Variants in PTPRR observed in about 807,000 individuals in gnomAD.
The protein encoded by PTPRR is protein tyrosine phosphatase receptor type R, also known as receptor-type tyrosine-protein phosphatase R.
PTPRR carries 38 observed loss-of-function variants against 77.2 expected under a neutral mutation model. That is an observed-to-expected ratio of 0.49 (90% confidence interval 0.38 to 0.65). The LOEUF is 0.65. Among genes scored for constraint, PTPRR ranks in the 30% least tolerant of loss-of-function variants. PTPRR has a pLI of 0.00. For missense variants in PTPRR, 744 were observed against 799.2 expected, an observed-to-expected ratio of 0.93 and a Z score of 0.83; for synonymous variants, 299 against 283.1, an observed-to-expected ratio of 1.06 and a Z score of -0.57.
intron 2 of PTPRR, among the ~76,000 whole-genome samples, chr12:70,809,726 C>T (rs1891775630): frequency 6.6e-6 from 1 of 152,256 alleles, no homozygotes; most frequent in South Asian, 2.1e-4. Context: ...ACTTTGAATA[C>T]AGATCCTCAA....
At chr12:70,646,880 T>A (rs1018420038) in intron 13 of PTPRR, among the ~76,000 whole-genome samples, 1 of 151,970 alleles carries the variant, frequency 6.6e-6, no homozygotes, top group African/African-American at 2.4e-5. Context: ...ACAAAAAATA[T>A]GTTGGGGACA....
intron 10 of PTPRR, among the ~76,000 whole-genome samples, chr12:70,666,544 T>C (rs941725107): frequency 6.6e-6 from 1 of 152,134 alleles, no homozygotes; most frequent in Non-Finnish European, 1.5e-5. Flanking sequence ...CTTTATGAGA[T>C]AATTGAATAA....
chr12:70,887,986 A>G (rs962581250), intron 2 of PTPRR, among the ~76,000 whole-genome samples: 21 of 150,556 alleles, frequency 1.4e-4, no homozygotes, highest in African/African-American at 5.2e-4. Context: ...TTTTAGTTCA[A>G]TGGCAATAAG....
chr12:70,797,679 A>G (rs145644384), intron 2 of PTPRR, among the ~76,000 whole-genome samples: 53 of 152,236 alleles, frequency 3.5e-4, no homozygotes, highest in African/African-American at 1.2e-3. Flanking sequence ...GTCCTTATCT[A>G]GTTCTCAGGA....
intron 2 of PTPRR, among the ~76,000 whole-genome samples, chr12:70,846,494 GC>G (rs1565716871): frequency 1.3e-5 from 2 of 152,182 alleles, no homozygotes; most frequent in African/African-American, 4.8e-5. Flanking sequence ...TATAGGCATT[GC>G]TATTGTGTGA....
At chr12:70,901,497 A>G (rs1240882382) in intron 1 of PTPRR, among the ~76,000 whole-genome samples, 3 of 151,868 alleles carry the variant, frequency 2.0e-5, no homozygotes, top group African/African-American at 7.2e-5. Context: ...AAACAAAAAT[A>G]TAAAGTGGGG....
intron 10 of PTPRR, among the ~76,000 whole-genome samples, chr12:70,676,859 CTTTT>C (rs60254808): frequency 7.2e-6 from 1 of 139,776 alleles, no homozygotes; most frequent in Non-Finnish European, 1.6e-5. Context: ...ATGCCTCCAG[CTTTT>C]TTTTTTTTTT....
At chr12:70,858,377 T>G (rs1217079676) in intron 2 of PTPRR, among the ~76,000 whole-genome samples, 1 of 152,084 alleles carries the variant, frequency 6.6e-6, no homozygotes, top group Non-Finnish European at 1.5e-5. Flanking sequence ...GCAGAAGTTT[T>G]AAATTGTCAG....
In PTPRR at chr12:70,646,180, C is replaced by T. The variant is rs1886191700; in HGVS notation, c.1881-6903G>A. Among the ~76,000 whole-genome samples, 3 of 152,118 alleles carry T rather than the reference C, an allele frequency of 2.0e-5. No individual in the cohort carries two copies. In the South Asian group the frequency reaches 6.2e-4, roughly 32 times the overall value. ...TTAATGTGCCTCCTGGGTAAAGTTC[C>T]AAGAGCTTGGGCATGAGTCAAGTGA... On this transcript the variant is annotated intron_variant, in intron 13 of 13. Coordinates refer to ENST00000283228, the MANE Select transcript of PTPRR (RefSeq NM_002849.4).
Position 70,656,727 on chromosome 12 carries a change from A to G in PTPRR, c.1857T>C (p.Ile619=). The change falls in exon 13 of 14, where the codon ATT becomes ATC. Residue 619 remains isoleucine, a synonymous_variant. Transcript: ENST00000283228. ...KEEGVVDALS[I]VCQLRMDRGG... is the part of the protein sequence containing the mutation. Reference sequence around the variant, plus strand: ...ACCTATCCATACGAAGCTGGCAGACAATGCTTAGTGCATCCACAACTCCTT... The same window carrying G: ...ACCTATCCATACGAAGCTGGCAGACGATGCTTAGTGCATCCACAACTCCTT... 3 of 1,613,840 alleles carry G rather than the reference A, an allele frequency of 1.9e-6. No individual in the cohort carries two copies. Among genetic ancestry groups the G allele is most frequent in the Non-Finnish European group, 2.5e-6 (3 of 1,179,796 alleles).
At chr12:70,767,250 G>T (rs1890848871) in intron 2 of PTPRR, among the ~76,000 whole-genome samples, 1 of 152,000 alleles carries the variant, frequency 6.6e-6, no homozygotes, top group Non-Finnish European at 1.5e-5. Flanking sequence ...ACCCATCAGT[G>T]TGCTGTATTC....
chr12:70,817,220 TAA>T (rs1203364018), intron 2 of PTPRR, among the ~76,000 whole-genome samples: 1 of 152,178 alleles, frequency 6.6e-6, no homozygotes, highest in Non-Finnish European at 1.5e-5. Context: ...TAATGTGTTT[TAA>T]AAGTTTTAAA....
At chr12:70,672,092 G>A in intron 10 of PTPRR, 1 of 1,373,170 alleles carries the variant, frequency 7.3e-7, no homozygotes, top group Non-Finnish European at 1.0e-6. Context: ...CAATGCCTTT[G>A]ACTCTATGCT....
At position 70,745,921 on chromosome 12, in the gene PTPRR, C is replaced by G. The variant is rs746663370; in HGVS notation, c.904G>C (p.Val302Leu). The G allele has an allele frequency of 6.2e-7, 1 of 1,613,994 alleles. No homozygotes were observed. The change falls in exon 6 of 14, where the codon GTC (valine) becomes CTC (leucine). Residue 302 changes from valine to leucine, a missense_variant. Val to Leu is a conservative substitution (Grantham distance 32, BLOSUM62 1). Transcript: ENST00000283228. Reference sequence around the variant, plus strand: ...GCACCTCGGCCTTGAGGGTCCACGACAACATTCAGTACCTTTGGGGCCTGC... The same window carrying G: ...GCACCTCGGCCTTGAGGGTCCACGAGAACATTCAGTACCTTTGGGGCCTGC... ...PEQAPKVLNVVVDPQGRGAPE... is the reference protein window; with the variant it reads ...PEQAPKVLNVLVDPQGRGAPE...
At chr12:70,763,569 C>A (rs1181331402) in intron 3 of PTPRR, among the ~76,000 whole-genome samples, 3 of 152,136 alleles carry the variant, frequency 2.0e-5, no homozygotes, top group African/African-American at 7.2e-5. Flanking sequence ...ACTCTCTACA[C>A]ACAGAAAAAA....
At chr12:70,652,154 C>T (rs532609522) in intron 13 of PTPRR, among the ~76,000 whole-genome samples, 16 of 152,208 alleles carry the variant, frequency 1.1e-4, no homozygotes, top group African/African-American at 3.6e-4. Context: ...AAGTGCATAA[C>T]GGTAGACATT....
intron 2 of PTPRR, among the ~76,000 whole-genome samples, chr12:70,860,437 G>T (rs1170165747): frequency 2.0e-5 from 3 of 152,060 alleles, no homozygotes; most frequent in African/African-American, 7.2e-5. Flanking sequence ...GGACATTTCA[G>T]AAATTATACA....
At chr12:70,823,474 A>G (rs575421382) in intron 2 of PTPRR, among the ~76,000 whole-genome samples, 13 of 152,374 alleles carry the variant, frequency 8.5e-5, no homozygotes, top group Non-Finnish European at 1.3e-4. Flanking sequence ...TGTCAGAATT[A>G]TCAGCTCCTC....
At chr12:70,705,281 A>G (rs1162737387) in intron 6 of PTPRR, among the ~76,000 whole-genome samples, 1 of 152,142 alleles carries the variant, frequency 6.6e-6, no homozygotes, top group African/African-American at 2.4e-5. Flanking sequence ...TAACATTACA[A>G]CTGAGTGTTG....
Sources: gnomAD v4.1 joint callset for allele counts (sites outside exome capture counted in the v4.1 genomes callset) on GRCh38, gnomAD v4.1.1 for gene constraint, MANE v1.5 for transcripts, NCBI Gene and HGNC (gene_info 2026-07-23, HGNC 2026-07-21) for gene names.